Variants in LRP1B observed in about 807,000 individuals in gnomAD.
The protein encoded by LRP1B is low-density lipoprotein receptor-related protein 1B.
A neutral mutation model predicts 556.6 loss-of-function variants in LRP1B; 217 were observed. The ratio of observed to expected loss-of-function variants is 0.39; its 90% CI spans 0.35 to 0.44. The LOEUF (loss-of-function observed/expected upper bound fraction) is 0.44, where lower values mean the gene tolerates loss of function less well. Ranked by LOEUF, LRP1B falls within the 20% of genes least tolerant of loss-of-function variation. LRP1B has a pLI of 1.00. For missense variants in LRP1B, 5,053 were observed against 5,620.8 expected, an observed-to-expected ratio of 0.90 and a Z score of 3.23; for synonymous variants, 2,047 against 1,865.8, an observed-to-expected ratio of 1.10 and a Z score of -2.50.
At chr2:141,631,823 A>C (rs1312337089) in intron 2 of LRP1B, among the ~76,000 whole-genome samples, 2 of 152,220 alleles carry the variant, frequency 1.3e-5, no homozygotes, top group Non-Finnish European at 2.9e-5. Context: ...TTAGATCTTT[A>C]AACTAAATTT....
At chr2:140,504,168 T>C (rs897425603) in intron 53 of LRP1B, among the ~76,000 whole-genome samples, 1 of 152,118 alleles carries the variant, frequency 6.6e-6, no homozygotes, top group Non-Finnish European at 1.5e-5. Context: ...CAATCAACAT[T>C]TCATTTCTCT....
At chr2:142,121,237 G>T (rs1288210977) in intron 1 of LRP1B, among the ~76,000 whole-genome samples, 1 of 152,058 alleles carries the variant, frequency 6.6e-6, no homozygotes, top group Non-Finnish European at 1.5e-5. Flanking sequence ...CCCTGAACTG[G>T]ATTCATCATT....
chr2:140,899,780 T>G (rs1329185680), intron 23 of LRP1B, among the ~76,000 whole-genome samples: 1 of 152,268 alleles, frequency 6.6e-6, no homozygotes, highest in East Asian at 1.9e-4. Context: ...TTCAGGCAAC[T>G]TATCGATAGA....
chr2:140,278,324 T>A (rs1308111169), intron 84 of LRP1B, among the ~76,000 whole-genome samples: 1 of 151,962 alleles, frequency 6.6e-6, no homozygotes, highest in Non-Finnish European at 1.5e-5. Flanking sequence ...AATTGAACTG[T>A]TTACTTGTGA....
intron 2 of LRP1B, among the ~76,000 whole-genome samples, chr2:141,531,383 C>T (rs897584078): frequency 1.6e-4 from 25 of 152,168 alleles, no homozygotes; most frequent in South Asian, 6.2e-4. Context: ...TTTCAGATAA[C>T]GTATTAACAT....
chr2:141,401,074 TCA>T (rs1256036516), intron 3 of LRP1B, among the ~76,000 whole-genome samples: 3 of 152,226 alleles, frequency 2.0e-5, no homozygotes, highest in Non-Finnish European at 4.4e-5. Context: ...ACTTAAAAAT[TCA>T]CAGTGTTTTG....
chr2:140,764,546 T>A (rs1289391917), intron 35 of LRP1B, among the ~76,000 whole-genome samples: 1 of 152,196 alleles, frequency 6.6e-6, no homozygotes. Context: ...AAAGAGGGAT[T>A]CTTTCATATA....
chr2:141,136,984 C>G (rs1318232148), intron 7 of LRP1B, among the ~76,000 whole-genome samples: 2 of 151,772 alleles, frequency 1.3e-5, no homozygotes, highest in South Asian at 4.1e-4. Context: ...TTATGAAATC[C>G]ATACACTGTC....
chr2:140,669,115 A>C (rs1356272361), intron 41 of LRP1B, among the ~76,000 whole-genome samples: 2 of 152,310 alleles, frequency 1.3e-5, no homozygotes. Context: ...GGGTATCTGC[A>C]TTCAAGTGCT....
rs532192566 is a variant in LRP1B, at chr2:140,935,186, T to C, written c.3137-12039A>G. Among the ~76,000 whole-genome samples, 4 of 152,158 alleles carry C rather than the reference T, an allele frequency of 2.6e-5. No individual in the cohort carries two copies. The South Asian group carries it at 8.3e-4, about 32-fold the overall frequency. ...ACAAAATAAACCAATGAAAAGTATCTCTGACAGAGATCTAATGGTAGATGG... is the reference window on the plus strand; with the variant it reads ...ACAAAATAAACCAATGAAAAGTATCCCTGACAGAGATCTAATGGTAGATGG... On this transcript the variant is annotated intron_variant, in intron 20 of 90. Coordinates refer to ENST00000389484, the MANE Select transcript of LRP1B (RefSeq NM_018557.3).
rs75189716 is a variant in LRP1B, at chr2:140,764,487, C to G, written c.5758+4726G>C. On this transcript the variant is annotated intron_variant, in intron 35 of 90. Transcript: ENST00000389484. ...AGTGCTACAAATGGTATCAAATACT[C>G]CTTCTAGTTCTATGTTTCAAAGATA... Among the ~76,000 whole-genome samples the G allele has an allele frequency of 9.3e-3, 1,420 of 152,152 alleles. 19 individuals carry two copies. Among genetic ancestry groups the G allele is most frequent in the African/African-American group, 0.032 (1,347 of 41,512 alleles).
chr2:141,493,644 C>T (rs1683414586), intron 2 of LRP1B, among the ~76,000 whole-genome samples: 1 of 152,124 alleles, frequency 6.6e-6, no homozygotes, highest in African/African-American at 2.4e-5. Flanking sequence ...CTCAGGGTAG[C>T]CTCTCGCTCT....
At chr2:140,279,141 A>T (rs1682812785) in intron 84 of LRP1B, among the ~76,000 whole-genome samples, 1 of 151,682 alleles carries the variant, frequency 6.6e-6, no homozygotes, top group African/African-American at 2.4e-5. Context: ...CTATTTACTC[A>T]TTTCCCACTC....
intron 1 of LRP1B, among the ~76,000 whole-genome samples, chr2:141,818,627 C>G (rs1369646272): frequency 1.4e-5 from 2 of 145,826 alleles, no homozygotes; most frequent in African/African-American, 2.6e-5. Flanking sequence ...ACCTCTGCCT[C>G]CCAGGTTCAC....
chr2:140,864,754 C>G (rs1435578326), intron 27 of LRP1B, among the ~76,000 whole-genome samples: 1 of 151,890 alleles, frequency 6.6e-6, no homozygotes, highest in African/African-American at 2.4e-5. Context: ...ATATTTTTAA[C>G]TTAAAGAAAA....
chr2:140,661,196 G>A (rs1486417027), intron 41 of LRP1B, among the ~76,000 whole-genome samples: 1 of 152,030 alleles, frequency 6.6e-6, no homozygotes, highest in Non-Finnish European at 1.5e-5. Context: ...CCATTAATTT[G>A]TACAGTCACT....
intron 7 of LRP1B, among the ~76,000 whole-genome samples, chr2:141,140,230 C>G (rs768495008): frequency 6.6e-6 from 1 of 152,122 alleles, no homozygotes; most frequent in East Asian, 1.9e-4. Context: ...GAGAGATGTA[C>G]AGGATCATTA....
At chr2:141,327,046 G>A (rs1160991242) in intron 3 of LRP1B, among the ~76,000 whole-genome samples, 4 of 152,070 alleles carry the variant, frequency 2.6e-5, no homozygotes, top group Non-Finnish European at 5.9e-5. Flanking sequence ...AGATAAATGA[G>A]ATGAAATTCA....
chr2:141,957,511 G>T (rs923069392), intron 1 of LRP1B, among the ~76,000 whole-genome samples: 2 of 152,010 alleles, frequency 1.3e-5, no homozygotes, highest in African/African-American at 2.4e-5. Flanking sequence ...CAGCTGAGAG[G>T]TATTAACTGG....
Sources: allele counts gnomAD v4.1 joint callset (sites outside exome capture counted in the v4.1 genomes callset), GRCh38; gene constraint gnomAD v4.1.1; transcripts MANE v1.5; gene names NCBI Gene and HGNC (gene_info 2026-07-23, HGNC 2026-07-21).